The following CSMD3 variants were observed in gnomAD, a reference collection of about 807,000 sequenced individuals.
CSMD3 encodes CUB and Sushi multiple domains 3, also known as CUB and sushi domain-containing protein 3.
CSMD3 carries 177 observed loss-of-function variants against 435.2 expected under a neutral mutation model. That is an observed-to-expected ratio of 0.41 (90% CI 0.36 to 0.46). The LOEUF (loss-of-function observed/expected upper bound fraction) is 0.46. Among genes scored for constraint, CSMD3 ranks in the 20% least tolerant of loss-of-function variants. The pLI, the probability that CSMD3 is intolerant of heterozygous loss-of-function variation, is 0.34. For synonymous variants in CSMD3, 1,656 were observed against 1,520.5 expected (o/e 1.09, Z -2.07); for missense variants, 4,265 against 4,504.6 (o/e 0.95, Z 1.52).
chr8:112,316,690 A>G (rs2130849293), intron 47 of CSMD3, among the ~76,000 whole-genome samples: 1 of 152,028 alleles, frequency 6.6e-6, no homozygotes, highest in Non-Finnish European at 1.5e-5. Context: ...CATTGTACAT[A>G]TGAGAAAACT....
At chr8:112,666,038 A>G (rs908720696) in intron 17 of CSMD3, among the ~76,000 whole-genome samples, 2 of 152,156 alleles carry the variant, frequency 1.3e-5, no homozygotes, top group Non-Finnish European at 2.9e-5. Context: ...TTAGTAGTAC[A>G]TAAAGCAAAA....
At chr8:113,129,157 C>T (rs1324024402) in intron 4 of CSMD3, among the ~76,000 whole-genome samples, 1 of 152,134 alleles carries the variant, frequency 6.6e-6, no homozygotes, top group East Asian at 1.9e-4. Context: ...CAATTTTACA[C>T]ATATTTTATG....
At chr8:113,033,749 A>C (rs2087223869) in intron 5 of CSMD3, among the ~76,000 whole-genome samples, 1 of 151,244 alleles carries the variant, frequency 6.6e-6, no homozygotes, top group African/African-American at 2.4e-5. Context: ...AAATGTGAAA[A>C]GTACATGAGA....
At chr8:113,368,095 T>A (rs2094324484) in intron 1 of CSMD3, among the ~76,000 whole-genome samples, 1 of 152,138 alleles carries the variant, frequency 6.6e-6, no homozygotes, top group Non-Finnish European at 1.5e-5. Context: ...TTGTCCTCCT[T>A]AGGAAGCCAA....
intron 68 of CSMD3, among the ~76,000 whole-genome samples, chr8:112,232,212 T>A (rs1176232052): frequency 6.6e-6 from 1 of 152,136 alleles, no homozygotes; most frequent in African/African-American, 2.4e-5. Context: ...AACAGGGAAA[T>A]CTATACAGAC....
intron 3 of CSMD3, among the ~76,000 whole-genome samples, chr8:113,233,266 A>T (rs1263792862): frequency 6.6e-6 from 1 of 151,408 alleles, no homozygotes; most frequent in Non-Finnish European, 1.5e-5. Context: ...GGGCTTATAT[A>T]TCTCTGATTA....
intron 4 of CSMD3, among the ~76,000 whole-genome samples, chr8:113,151,518 A>C (rs1427456642): frequency 6.6e-6 from 1 of 152,012 alleles, no homozygotes; most frequent in East Asian, 1.9e-4. Flanking sequence ...AATACAAACA[A>C]AAATAATGGC....
intron 5 of CSMD3, among the ~76,000 whole-genome samples, chr8:113,082,801 T>C (rs1024451265): frequency 6.6e-6 from 1 of 151,740 alleles, no homozygotes; most frequent in African/African-American, 2.4e-5. Flanking sequence ...ATACAATGAA[T>C]AAAATTAAAA....
At chr8:113,332,306 T>TAAA (rs201831037) in intron 1 of CSMD3, among the ~76,000 whole-genome samples, 43 of 133,446 alleles carry the variant, frequency 3.2e-4, no homozygotes, top group Middle Eastern at 4.0e-3. Flanking sequence ...TTCAATTGGT[T>TAAA]AAAAAAAAAA....
At chr8:113,368,325 A>G (rs2094325922) in intron 1 of CSMD3, among the ~76,000 whole-genome samples, 2 of 152,132 alleles carry the variant, frequency 1.3e-5, no homozygotes, top group African/African-American at 4.8e-5. Context: ...CATTTCCAGG[A>G]ATTTAACAGA....
rs1486142172 is a variant in CSMD3, at chr8:112,405,238, T to C, written c.5809+1286A>G. The stretch of plus-strand genomic sequence containing the variant: ...CCATATATATATATATATATATATA[T>C]ATATATATACATATATATATACACA... On this transcript the variant is annotated intron_variant, in intron 35 of 70. Transcript: ENST00000297405. 1.1e-4 allele frequency among the ~76,000 whole-genome samples: 11 copies of C among 100,894 alleles called. No homozygotes were observed. In the South Asian group the frequency reaches 3.2e-3, roughly 29 times the overall value. 66.2% of individuals were successfully genotyped at this position (100,894 alleles called of 152,430 possible).
chr8:112,719,571 C>A (rs539794088), intron 13 of CSMD3, among the ~76,000 whole-genome samples: 2 of 152,186 alleles, frequency 1.3e-5, no homozygotes, highest in African/African-American at 4.8e-5. Flanking sequence ...GGAGATTTCA[C>A]GTCTCTTCTT....
At chr8:112,319,841 T>C (rs2130865707) in intron 46 of CSMD3, 60 bp downstream of exon 46, 1 of 1,252,746 alleles carries the variant, frequency 8.0e-7, no homozygotes, top group South Asian at 1.2e-5. Flanking sequence ...TTTGGCTTAT[T>C]TTTAAGCAAA....
At chr8:112,402,133 C>T (rs1413107654) in intron 35 of CSMD3, among the ~76,000 whole-genome samples, 2 of 152,126 alleles carry the variant, frequency 1.3e-5, no homozygotes, top group African/African-American at 2.4e-5. Context: ...CCATAATGAA[C>T]CTATGAAGAA....
chr8:112,683,533 T>C (rs1229179111), intron 15 of CSMD3, among the ~76,000 whole-genome samples: 1 of 152,002 alleles, frequency 6.6e-6, no homozygotes, highest in Non-Finnish European at 1.5e-5. Flanking sequence ...AGCAGGAGTA[T>C]AATAAAAATG....
At chr8:113,047,742 T>A (rs1033623686) in intron 5 of CSMD3, among the ~76,000 whole-genome samples, 2 of 152,196 alleles carry the variant, frequency 1.3e-5, no homozygotes, top group African/African-American at 4.8e-5. Flanking sequence ...AATGTATGGC[T>A]CCAGACAGTT....
At chr8:113,417,013 A>T (rs1352431432) in intron 1 of CSMD3, among the ~76,000 whole-genome samples, 1 of 152,036 alleles carries the variant, frequency 6.6e-6, no homozygotes, top group Admixed American at 6.6e-5. Flanking sequence ...ATAAGAACAT[A>T]ATATAAAATA....
At chr8:112,274,331 C>G (rs1432388009) in intron 59 of CSMD3, among the ~76,000 whole-genome samples, 2 of 152,152 alleles carry the variant, frequency 1.3e-5, no homozygotes, top group African/African-American at 4.8e-5. Flanking sequence ...ATTGCCTCAT[C>G]TTACTACATT....
intron 12 of CSMD3, among the ~76,000 whole-genome samples, chr8:112,821,887 C>T (rs2079540783): frequency 6.6e-6 from 1 of 152,170 alleles, no homozygotes; most frequent in South Asian, 2.1e-4. Context: ...GTTTTCCCAG[C>T]ACCATTCATT....
Sources: allele counts gnomAD v4.1 joint callset (sites outside exome capture counted in the v4.1 genomes callset), GRCh38; gene constraint gnomAD v4.1.1; transcripts MANE v1.5; gene names NCBI Gene and HGNC (gene_info 2026-07-23, HGNC 2026-07-21).